Variants in CIDEC observed in about 807,000 individuals in gnomAD.
CIDEC encodes the protein cell death inducing DFFA like effector c.
In CIDEC, 11 loss-of-function variants were observed where a neutral mutation model predicts 21.9. That is an observed-to-expected ratio of 0.50 (90% confidence interval 0.32 to 0.83). CIDEC has a LOEUF of 0.83. CIDEC is among the 40% of genes least tolerant of loss of function. The pLI is 0.04. For synonymous variants in CIDEC, 127 were observed against 124.9 expected, an observed-to-expected ratio of 1.02 and a Z score of -0.11; for missense variants, 302 against 302.3, an observed-to-expected ratio of 1.00 and a Z score of 0.01.
intron 4 of CIDEC, among the ~76,000 whole-genome samples, chr3:9,876,752 C>T (rs1200905870): frequency 4.5e-5 from 5 of 111,776 alleles, no homozygotes; most frequent in South Asian, 3.1e-4. Flanking sequence ...AGTGAGACTT[C>T]GTCTCAAAAA....
chr3:9,867,193 G>GC lies in CIDEC; in HGVS notation c.657dup (p.Gln220AlafsTer31). On this transcript the variant is annotated frameshift_variant, in exon 7 of 7. Transcript: ENST00000336832. LOFTEE classifies it high-confidence loss of function. ...GATGAGGCCTTGCCCTTGGGGGGCT[G>GC]CCCTTCCTCCGTAGCATCGAGGAGC... is the stretch of plus-strand genomic sequence containing the variant. The GC allele has an allele frequency of 6.2e-7, 1 of 1,614,086 alleles. No individual in the cohort carries two copies. The highest frequency in any genetic ancestry group is 2.2e-5 in the East Asian group (1 of 44,890).
chr3:9,873,090 GT>G (rs2082372383), intron 4 of CIDEC, among the ~76,000 whole-genome samples: 1 of 151,868 alleles, frequency 6.6e-6, no homozygotes, highest in African/African-American at 2.4e-5. Flanking sequence ...TTTTGGTTTT[GT>G]TTTTTTGTTT....
intron 4 of CIDEC, among the ~76,000 whole-genome samples, chr3:9,871,173 A>ATTTT (rs59917579): frequency 6.7e-5 from 8 of 120,164 alleles, no homozygotes; most frequent in Non-Finnish European, 1.0e-4. Context: ...TCTATGTTTA[A>ATTTT]TTTTTTTTTT....
intron 4 of CIDEC, among the ~76,000 whole-genome samples, chr3:9,872,439 T>C (rs566802162): frequency 3.3e-5 from 5 of 152,306 alleles, no homozygotes; most frequent in African/African-American, 1.2e-4. Flanking sequence ...CCTCCCGAAG[T>C]GCTAAAATTA....
intron 4 of CIDEC, among the ~76,000 whole-genome samples, chr3:9,872,096 A>C (rs1338058931): frequency 1.3e-5 from 2 of 151,948 alleles, no homozygotes; most frequent in African/African-American, 2.4e-5. Flanking sequence ...TACAGACGTG[A>C]GGCACAACAC....
Position 9,876,894 on chromosome 3 carries a change from C to G in CIDEC, c.207+172G>C, listed in dbSNP as rs373697076. 7.2e-5 allele frequency among the ~76,000 whole-genome samples: 11 copies of G among 152,160 alleles called. 1 individual carries two copies. In the East Asian group the frequency reaches 7.7e-4, roughly 11 times the overall value. On this transcript the variant is annotated intron_variant, in intron 4 of 6. Coordinates refer to ENST00000336832, the MANE Select transcript of CIDEC (RefSeq NM_001321142.2). ...TAACGTACTGCCCCCCTCCTGTTAC[C>G]AAACAGACATCAGTCATTGCTAATT...
At chr3:9,867,498 T>C (rs2082288993) in intron 6 of CIDEC, among the ~76,000 whole-genome samples, 1 of 152,088 alleles carries the variant, frequency 6.6e-6, no homozygotes, top group Admixed American at 6.5e-5. Context: ...TGGGTGACTG[T>C]AATCCCAGTT....
intron 3 of CIDEC, among the ~76,000 whole-genome samples, chr3:9,877,579 C>G (rs2082444665): frequency 6.6e-6 from 1 of 152,024 alleles, no homozygotes; most frequent in African/African-American, 2.4e-5. Context: ...TTGCTTGAAC[C>G]CTGGGAGGCG....
rs533822145 is a variant in CIDEC, at chr3:9,872,440, G to A, written c.208-2118C>T. Among the ~76,000 whole-genome samples, 47 of 152,274 alleles carry A rather than the reference G, an allele frequency of 3.1e-4. 1 individual carries two copies. The South Asian group carries it at 9.3e-3, about 30-fold the overall frequency. On this transcript the variant is annotated intron_variant, in intron 4 of 6. Transcript: ENST00000336832. ...TCCGCCTGCCTCCACCTCCCGAAGT[G>A]CTAAAATTAGAGGCATGAGCCAATA...
At chr3:9,867,516 A>G (rs2082289072) in intron 6 of CIDEC, among the ~76,000 whole-genome samples, 1 of 152,162 alleles carries the variant, frequency 6.6e-6, no homozygotes, top group Non-Finnish European at 1.5e-5. Flanking sequence ...GTTACTCCAG[A>G]GCCTGAGGCA....
In CIDEC at chr3:9,870,261, G is replaced by A. The variant is rs1559248661; in HGVS notation, c.269C>T (p.Thr90Ile). 6.2e-7 allele frequency: 1 copy of A among 1,614,082 alleles called. No individual in the cohort carries two copies. Among genetic ancestry groups the A allele is most frequent in the African/African-American group, 1.3e-5 (1 of 75,028 alleles). Residue 90 changes from threonine (T) to isoleucine (I), a missense_variant, in exon 5 of 7, where the codon ACA (threonine) becomes ATA (isoleucine). By Grantham distance (89) the Thr-to-Ile change is moderately conservative (BLOSUM62 -1). Coordinates refer to ENST00000336832, the MANE Select transcript of CIDEC (RefSeq NM_001321142.2). ...GAAGTACTCTTCTGTCTCTACAGTTGTGCCATCTTCCTCCAGCACCAGGAA... is the reference window on the plus strand; with the variant it reads ...GAAGTACTCTTCTGTCTCTACAGTTATGCCATCTTCCTCCAGCACCAGGAA... Reference protein sequence around the residue: ...PFFLVLEEDGTTVETEEYFQA... With the variant: ...PFFLVLEEDGITVETEEYFQA...
rs779367682 is a variant in CIDEC at position 9,877,123 on chromosome 3, C to T, written c.150G>A (p.Ala50=). 47 of 1,552,792 alleles carry T rather than the reference C, an allele frequency of 3.0e-5. No homozygotes were observed. In the Middle Eastern group the frequency reaches 5.1e-4, roughly 17 times the overall value. Residue 50 remains alanine (A), a synonymous_variant, in exon 4 of 7, where the codon GCG becomes GCA. Transcript: ENST00000336832. ...PRARPCRVST[A]DRSVRKGIMA... is the part of the protein sequence containing the mutation. ...TGATGCCCTTCCTCACGCTTCGATC[C>T]GCCGTGCTTACGCGGCAGGGCCGGG... is the stretch of plus-strand genomic sequence containing the variant.
At chr3:9,878,702 A>T in intron 2 of CIDEC, 191 bp from the exon 3 acceptor site, 4 of 1,503,080 alleles carry the variant, frequency 2.7e-6, no homozygotes, top group Non-Finnish European at 3.6e-6. Context: ...CAAGCTGGAG[A>T]CCCCACCCCT....
chr3:9,875,305 A>T (rs1000941362), intron 4 of CIDEC, among the ~76,000 whole-genome samples: 13 of 147,990 alleles, frequency 8.8e-5, no homozygotes, highest in Admixed American at 6.9e-5. Flanking sequence ...GGAAGCCGGG[A>T]GGCAGAGCTT....
chr3:9,867,715 G>A (rs909759789), intron 6 of CIDEC, among the ~76,000 whole-genome samples: 3 of 152,104 alleles, frequency 2.0e-5, no homozygotes, highest in African/African-American at 4.8e-5. Flanking sequence ...ATCATTTGAG[G>A]TCAGGAGTTT....
In CIDEC at chr3:9,878,930, C is replaced by T. The variant is rs538739404; in HGVS notation, c.-26+12G>A. 7 of 946,420 alleles carry T rather than the reference C, an allele frequency of 7.4e-6. No homozygotes were observed. In the East Asian group the frequency reaches 1.3e-4, roughly 18 times the overall value. The allele number at this position is 946,420 out of a possible 1,614,324, so 58.6% of individuals were successfully genotyped here. On this transcript the variant is annotated intron_variant, in intron 2 of 6. Transcript: ENST00000336832. The stretch of plus-strand genomic sequence containing the variant: ...TCACACCACCTCACACTTCTGGGGA[C>T]CGTTCCCTCACCTCTAGTCCAGAGA...
At chr3:9,868,228 G>A (rs1232821682) in intron 6 of CIDEC, among the ~76,000 whole-genome samples, 1 of 152,140 alleles carries the variant, frequency 6.6e-6, no homozygotes, top group Non-Finnish European at 1.5e-5. Context: ...CATTTCATAA[G>A]GCTTTTATTT....
At chr3:9,868,367 A>T (rs2082301467) in intron 6 of CIDEC, among the ~76,000 whole-genome samples, 1 of 152,254 alleles carries the variant, frequency 6.6e-6, no homozygotes, top group African/African-American at 2.4e-5. Flanking sequence ...AGTGCTGGAC[A>T]TGAAGACATC....
rs148568685 is a variant in CIDEC, at chr3:9,867,164, A to G, written c.687T>C (p.Leu229=). 4.0e-5 allele frequency: 64 copies of G among 1,613,830 alleles called. No individual in the cohort carries two copies. The highest frequency in any genetic ancestry group is 1.6e-4 in the African/African-American group (12 of 75,068). ...GCAGTATCTTCAGACAGGTCGGGAT[A>G]AGGGATGAGGCCTTGCCCTTGGGGG... ...GQPPKGKASS[L]IPTCLKILQ Residue 229 remains leucine (L), a synonymous_variant, in exon 7 of 7, where the codon CTT becomes CTC. Transcript: ENST00000336832.
Sources: gnomAD v4.1 joint callset for allele counts (sites outside exome capture counted in the v4.1 genomes callset) on GRCh38, gnomAD v4.1.1 for gene constraint, MANE v1.5 for transcripts, NCBI Gene and HGNC (gene_info 2026-07-23, HGNC 2026-07-21) for gene names.